Variants in CPNE4 observed in about 807,000 individuals in gnomAD.
CPNE4 encodes the protein copine-4.
A neutral mutation model predicts 67.9 loss-of-function variants in CPNE4; 25 were observed. The observed-to-expected ratio is 0.37, with a 90% confidence interval of 0.27 to 0.51. The LOEUF (loss-of-function observed/expected upper bound fraction) is 0.51, where lower values mean the gene tolerates loss of function less well. Among genes scored for constraint, CPNE4 ranks in the 20% least tolerant of loss-of-function variants. The probability of loss-of-function intolerance (pLI) is 0.93; values close to 1 mark genes in which losing one functional copy is unlikely to be tolerated. For missense variants in CPNE4, 464 were observed against 690.8 expected (o/e 0.67, Z 3.68); for synonymous variants, 242 against 244.9 (o/e 0.99, Z 0.11).
chr3:132,008,071 G>C (rs2073653589), intron 1 of CPNE4, among the ~76,000 whole-genome samples: 1 of 152,202 alleles, frequency 6.6e-6, no homozygotes, highest in African/African-American at 2.4e-5. Flanking sequence ...CTGGTACACA[G>C]TAGGTGCTAA....
At chr3:131,940,274 A>G (rs1251777273) in intron 1 of CPNE4, among the ~76,000 whole-genome samples, 1 of 152,144 alleles carries the variant, frequency 6.6e-6, no homozygotes, top group Non-Finnish European at 1.5e-5. Context: ...GGCTATTAAA[A>G]ATTATCCATA....
At chr3:131,863,667 C>G in intron 2 of CPNE4, among the ~76,000 whole-genome samples, 1 of 152,182 alleles carries the variant, frequency 6.6e-6, no homozygotes, top group Non-Finnish European at 1.5e-5. Flanking sequence ...CCTGTTCACT[C>G]TGATGATAGT....
chr3:131,824,045 A>C (rs759442986), intron 2 of CPNE4, among the ~76,000 whole-genome samples: 1 of 152,232 alleles, frequency 6.6e-6, no homozygotes, highest in South Asian at 2.1e-4. Context: ...TTAACATACT[A>C]AACACTCAGG....
chr3:131,694,552 G>T (rs1381230371), intron 5 of CPNE4, among the ~76,000 whole-genome samples: 1 of 152,118 alleles, frequency 6.6e-6, no homozygotes, highest in African/African-American at 2.4e-5. Flanking sequence ...GCAACTAAAA[G>T]AATGCAGCAG....
chr3:131,927,350 C>G (rs2070924597), intron 1 of CPNE4, among the ~76,000 whole-genome samples: 2 of 152,096 alleles, frequency 1.3e-5, no homozygotes, highest in South Asian at 4.1e-4. Flanking sequence ...CAGGCACTTT[C>G]ATGATTAAGA....
chr3:131,914,771 G>A (rs1418185493), intron 1 of CPNE4, among the ~76,000 whole-genome samples: 1 of 152,206 alleles, frequency 6.6e-6, no homozygotes, highest in East Asian at 1.9e-4. Context: ...GAGGTTGGGA[G>A]TTCGAGACCA....
chr3:131,676,594 T>C (rs1027713043), intron 6 of CPNE4, among the ~76,000 whole-genome samples: 1 of 152,168 alleles, frequency 6.6e-6, no homozygotes, highest in African/African-American at 2.4e-5. Flanking sequence ...CCGTGTGTTC[T>C]CATAATTTAG....
chr3:131,688,520 A>G (rs1334399378), intron 5 of CPNE4, among the ~76,000 whole-genome samples: 1 of 151,962 alleles, frequency 6.6e-6, no homozygotes, highest in Admixed American at 6.6e-5. Flanking sequence ...CCCTTTCCCT[A>G]TGGATGTGGG....
chr3:131,762,531 G>A (rs562580774), intron 2 of CPNE4, among the ~76,000 whole-genome samples: 259 of 151,866 alleles, frequency 1.7e-3, no homozygotes, highest in Middle Eastern at 0.01. Context: ...ACTGTATACC[G>A]CATATCATTC....
rs1308660804 is a variant in CPNE4, at chr3:131,979,999, GT to G, written c.-2+54567del. On this transcript the variant is annotated intron_variant, in intron 1 of 15. Transcript: ENST00000429747. Reference sequence around the variant, plus strand: ...AAAATTCTTGGCTGATAATTGTTTTGTTTGAGGAGGCAGAAGATAGGGCCTC... The same window carrying G: ...AAAATTCTTGGCTGATAATTGTTTTGTTGAGGAGGCAGAAGATAGGGCCTC... Among the ~76,000 whole-genome samples, 20 of 152,226 alleles carry G rather than the reference GT, an allele frequency of 1.3e-4. No individual in the cohort carries two copies. In the East Asian group the frequency reaches 3.5e-3, roughly 26 times the overall value.
intron 9 of CPNE4, among the ~76,000 whole-genome samples, chr3:131,578,404 C>T (rs925029384): frequency 7.9e-5 from 12 of 152,102 alleles, no homozygotes; most frequent in Non-Finnish European, 1.8e-4. Flanking sequence ...CTCTCCCTCT[C>T]CTTGGGTCTC....
chr3:131,702,573 G>A (rs901867073), intron 3 of CPNE4, among the ~76,000 whole-genome samples: 2 of 152,144 alleles, frequency 1.3e-5, no homozygotes, highest in Non-Finnish European at 2.9e-5. Context: ...TGATTCATCC[G>A]CATTGGTCAC....
chr3:131,698,233 C>CAAAAAAA (rs369274504), intron 4 of CPNE4, among the ~76,000 whole-genome samples: 1,385 of 64,400 alleles, frequency 0.022, 117 homozygotes, highest in South Asian at 0.037. Flanking sequence ...GGCTCTGTCT[C>CAAAAAAA]AAAAAAAAAA....
intron 2 of CPNE4, among the ~76,000 whole-genome samples, chr3:131,825,679 T>C (rs2085130151): frequency 6.6e-6 from 1 of 152,176 alleles, no homozygotes; most frequent in Non-Finnish European, 1.5e-5. Flanking sequence ...TAGAATGGGC[T>C]GAAATGAAAT....
At chr3:131,653,799 A>G (rs141228000) in intron 7 of CPNE4, among the ~76,000 whole-genome samples, 211 of 152,326 alleles carry the variant, frequency 1.4e-3, no homozygotes, top group African/African-American at 4.9e-3. Context: ...GCCTACTCTG[A>G]AGCCTGTAAA....
At chr3:131,949,025 C>A (rs1252071991) in intron 1 of CPNE4, among the ~76,000 whole-genome samples, 3 of 152,144 alleles carry the variant, frequency 2.0e-5, no homozygotes, top group Admixed American at 2.0e-4. Context: ...GAGACATTCA[C>A]AAAACTTCTT....
At chr3:131,707,363 GTC>G in intron 3 of CPNE4, among the ~76,000 whole-genome samples, 1 of 152,104 alleles carries the variant, frequency 6.6e-6, no homozygotes. Context: ...TTTCTCTTCT[GTC>G]TCTCCTCTGT....
intron 1 of CPNE4, among the ~76,000 whole-genome samples, chr3:132,020,796 T>C (rs2073979160): frequency 1.3e-5 from 2 of 152,162 alleles, no homozygotes; most frequent in Admixed American, 6.5e-5. Context: ...CAGGACACTG[T>C]TAACCCTAGC....
At chr3:131,954,021 T>C (rs2071860504) in intron 1 of CPNE4, among the ~76,000 whole-genome samples, 1 of 152,160 alleles carries the variant, frequency 6.6e-6, no homozygotes. Context: ...ATATGTACAA[T>C]TATTATGTAT....
Sources: gnomAD v4.1 joint callset for allele counts (sites outside exome capture counted in the v4.1 genomes callset) on GRCh38, gnomAD v4.1.1 for gene constraint, MANE v1.5 for transcripts, NCBI Gene and HGNC (gene_info 2026-07-23, HGNC 2026-07-21) for gene names.